The following DACH2 variants were observed in gnomAD, a reference collection of about 807,000 sequenced individuals.
DACH2 encodes dachshund family transcription factor 2, also known as dachshund homolog 2.
Under a neutral mutation model 35.8 loss-of-function variants are expected in DACH2, and 17 were observed. The ratio of observed to expected loss-of-function variants is 0.48; its 90% CI spans 0.33 to 0.71. The LOEUF (loss-of-function observed/expected upper bound fraction) is 0.71, where lower values mean the gene tolerates loss of function less well. Among genes scored for constraint, DACH2 ranks in the 30% least tolerant of loss-of-function variants. DACH2 has a pLI of 0.02. For synonymous variants in DACH2, 195 were observed against 177.3 expected, an observed-to-expected ratio of 1.10 and a Z score of -0.79; for missense variants, 469 against 472.7, an observed-to-expected ratio of 0.99 and a Z score of 0.07.
chrX:86,159,794 TAC>T (rs2030680963), intron 1 of DACH2, among the ~76,000 whole-genome samples: 1 of 111,705 alleles, frequency 9.0e-6, no homozygotes, highest in Non-Finnish European at 1.9e-5. Flanking sequence ...GAGTAAACAA[TAC>T]ATATAATTCA....
chrX:86,735,001 G>A (rs2041579998), intron 6 of DACH2, among the ~76,000 whole-genome samples: 1 of 111,562 alleles, frequency 9.0e-6, no homozygotes, highest in Non-Finnish European at 1.9e-5. Context: ...CACATTAATA[G>A]ATTAACATTT....
intron 1 of DACH2, among the ~76,000 whole-genome samples, chrX:86,247,687 T>C (rs761872715): frequency 9.0e-6 from 1 of 111,333 alleles, no homozygotes; most frequent in African/African-American, 3.3e-5. Flanking sequence ...CCCTGACTCA[T>C]TCTATGAGGC....
At chrX:86,449,818 A>G (rs1402217818) in intron 2 of DACH2, among the ~76,000 whole-genome samples, 1 of 111,317 alleles carries the variant, frequency 9.0e-6, no homozygotes, top group Non-Finnish European at 1.9e-5. Context: ...ATCATAATTT[A>G]TGTCTGTTTA....
rs776840354 is a variant in DACH2 at position 86,454,943 on chromosome X, TTGAA to T, written c.528-59333_528-59330del. Reference sequence around the variant, plus strand: ...CTTCAATCTTTTAGTTTTCTGAACTTTGAATGGGGTTTTATGGGGACATTTTTGT... The same window carrying T: ...CTTCAATCTTTTAGTTTTCTGAACTTTGGGGTTTTATGGGGACATTTTTGT... On this transcript the variant is annotated intron_variant, in intron 2 of 11. Coordinates refer to ENST00000373125, the MANE Select transcript of DACH2 (RefSeq NM_053281.3). Among the ~76,000 whole-genome samples, 533 of 111,615 alleles carry T rather than the reference TTGAA, an allele frequency of 4.8e-3. 6 individuals are homozygous for T. The highest frequency in any genetic ancestry group is 0.016 in the African/African-American group (503 of 30,735).
chrX:86,272,059 C>G (rs753408463), intron 1 of DACH2, among the ~76,000 whole-genome samples: 1 of 111,661 alleles, frequency 9.0e-6, no homozygotes, highest in Non-Finnish European at 1.9e-5. Flanking sequence ...TTATTTAGCT[C>G]TCACTTATGT....
intron 3 of DACH2, among the ~76,000 whole-genome samples, chrX:86,580,965 T>TA (rs1375779453): frequency 8.1e-5 from 9 of 111,215 alleles, no homozygotes; most frequent in Non-Finnish European, 1.5e-4. Context: ...CATGAAATTT[T>TA]AAAAAATTAA....
chrX:86,206,789 C>G (rs1003139674), intron 1 of DACH2, among the ~76,000 whole-genome samples: 30 of 111,792 alleles, frequency 2.7e-4, no homozygotes, highest in Admixed American at 2.3e-3. Context: ...GATCCTACCC[C>G]ACCATAGTTT....
intron 2 of DACH2, chrX:86,512,864 G>A (rs2038414527): frequency 9.2e-6 from 3 of 325,328 alleles, no homozygotes; most frequent in Non-Finnish European, 1.8e-5. Flanking sequence ...TAGGGCAAAG[G>A]CAAACACGGT....
At chrX:86,566,816 G>A (rs1249305363) in intron 3 of DACH2, among the ~76,000 whole-genome samples, 2 of 110,991 alleles carry the variant, frequency 1.8e-5, no homozygotes, top group Admixed American at 9.7e-5. Flanking sequence ...ATCCTCGCAA[G>A]TATCCTATAA....
intron 2 of DACH2, among the ~76,000 whole-genome samples, chrX:86,445,221 C>T (rs2037240838): frequency 9.2e-6 from 1 of 108,451 alleles, no homozygotes; most frequent in Non-Finnish European, 1.9e-5. Flanking sequence ...TTTCACTTTT[C>T]TCAAGAAATT....
intron 3 of DACH2, among the ~76,000 whole-genome samples, chrX:86,579,673 TTTA>T (rs1410770795): frequency 8.9e-6 from 1 of 112,163 alleles, no homozygotes; most frequent in Non-Finnish European, 1.9e-5. Flanking sequence ...TGAAATCCAA[TTTA>T]TTATTCTTTT....
At chrX:86,772,416 T>C (rs907197785) in intron 7 of DACH2, among the ~76,000 whole-genome samples, 2 of 111,267 alleles carry the variant, frequency 1.8e-5, no homozygotes, top group African/African-American at 6.5e-5. Context: ...ATTTTAACCT[T>C]ATAGAAGTAT....
At chrX:86,630,420 A>G (rs913596143) in intron 3 of DACH2, among the ~76,000 whole-genome samples, 7 of 105,110 alleles carry the variant, frequency 6.7e-5, no homozygotes, top group African/African-American at 2.5e-4. Flanking sequence ...ATATATATAC[A>G]CACATATATA....
chrX:86,726,209 A>G (rs1382036054), intron 6 of DACH2, among the ~76,000 whole-genome samples: 1 of 111,376 alleles, frequency 9.0e-6, no homozygotes, highest in African/African-American at 3.3e-5. Flanking sequence ...TGTCTCACAG[A>G]AGCGGTAGCA....
chrX:86,758,027 G>A (rs745913497), intron 7 of DACH2, among the ~76,000 whole-genome samples: 2 of 111,576 alleles, frequency 1.8e-5, no homozygotes, highest in East Asian at 5.6e-4. Flanking sequence ...TTTTCTCTAG[G>A]TTTTTCAGTT....
intron 4 of DACH2, among the ~76,000 whole-genome samples, chrX:86,657,731 C>CT (rs1314911096): frequency 9.0e-6 from 1 of 111,350 alleles, no homozygotes; most frequent in Admixed American, 9.6e-5. Context: ...GGAGCACACT[C>CT]TGTTTTAAAT....
Position 86,342,743 on chromosome X carries a change from G to A in DACH2, c.489-34081G>A, listed in dbSNP as rs187065152. On this transcript the variant is annotated intron_variant, in intron 1 of 11. Transcript: ENST00000373125. The stretch of plus-strand genomic sequence containing the variant: ...AATCTTTTGAACCCGGGAATGAGAC[G>A]AGATCACCCCACTGCACTCCAGCCT... 8.2e-5 allele frequency among the ~76,000 whole-genome samples: 9 copies of A among 109,167 alleles called. No individual in the cohort carries two copies. In the East Asian group the frequency reaches 1.7e-3, roughly 21 times the overall value. The allele number at this position is 109,167 out of a possible 115,157, so 94.8% of individuals were successfully genotyped here.
Position 86,455,819 on chromosome X carries a change from T to C in DACH2, c.528-58460T>C, listed in dbSNP as rs1184771945. ...GGCCCACAGAACAATGCTGCTTGGC[T>C]CCCTGGATTCAGCCTCCTTTCTAGG... On this transcript the variant is annotated intron_variant, in intron 2 of 11. Coordinates refer to ENST00000373125, the MANE Select transcript of DACH2 (RefSeq NM_053281.3). Among the ~76,000 whole-genome samples the C allele has an allele frequency of 3.6e-5, 4 of 112,158 alleles. No homozygotes were observed. In the South Asian group the frequency reaches 1.5e-3, roughly 41 times the overall value.
At chrX:86,584,458 T>C (rs1602670741) in intron 3 of DACH2, among the ~76,000 whole-genome samples, 1 of 111,327 alleles carries the variant, frequency 9.0e-6, no homozygotes, top group African/African-American at 3.2e-5. Context: ...TTATATGTTC[T>C]GCTTATTCTC....
Sources: allele counts gnomAD v4.1 joint callset (sites outside exome capture counted in the v4.1 genomes callset), GRCh38; gene constraint gnomAD v4.1.1; transcripts MANE v1.5; gene names NCBI Gene and HGNC (gene_info 2026-07-23, HGNC 2026-07-21).